Variants in SLC12A8 observed in about 807,000 individuals in gnomAD.
SLC12A8 encodes solute carrier family 12 member 8.
SLC12A8 carries 69 observed loss-of-function variants against 75.6 expected under a neutral mutation model. That is an observed-to-expected ratio of 0.91 (90% confidence interval 0.75 to 1.11). The LOEUF (loss-of-function observed/expected upper bound fraction) is 1.11. Among genes scored for constraint, SLC12A8 ranks in the 50% most tolerant of loss-of-function variants. SLC12A8 has a pLI of 0.00. For synonymous variants in SLC12A8, 365 were observed against 372.8 expected, an observed-to-expected ratio of 0.98 and a Z score of 0.24; for missense variants, 877 against 896.7, an observed-to-expected ratio of 0.98 and a Z score of 0.28.
intron 2 of SLC12A8, among the ~76,000 whole-genome samples, chr3:125,198,992 A>C (rs935090318): frequency 2.6e-5 from 4 of 151,974 alleles, no homozygotes; most frequent in African/African-American, 4.8e-5. Flanking sequence ...GTTAGCCAGG[A>C]TGGTCTCGAT....
chr3:125,135,400 G>A (rs1028166224), intron 6 of SLC12A8, among the ~76,000 whole-genome samples: 1 of 152,216 alleles, frequency 6.6e-6, no homozygotes, highest in Non-Finnish European at 1.5e-5. Flanking sequence ...AAATCATATC[G>A]AAGGCCTTCA....
chr3:125,184,231 A>G (rs1024416084), intron 4 of SLC12A8, among the ~76,000 whole-genome samples: 24 of 152,254 alleles, frequency 1.6e-4, no homozygotes, highest in African/African-American at 5.1e-4. Context: ...TTGACCTCCC[A>G]AAGTGCTGGG....
intron 7 of SLC12A8, chr3:125,120,005 G>C (rs909133127): frequency 2.6e-5 from 11 of 417,288 alleles, no homozygotes; most frequent in Admixed American, 1.1e-4. Context: ...CTGACGGCCT[G>C]GGGGAGCTGG....
chr3:125,179,599 C>T (rs1194116020), intron 4 of SLC12A8, among the ~76,000 whole-genome samples: 1 of 152,194 alleles, frequency 6.6e-6, no homozygotes, highest in African/African-American at 2.4e-5. Context: ...CCCAAATTTA[C>T]ACTTAGCTTA....
intron 5 of SLC12A8, among the ~76,000 whole-genome samples, chr3:125,138,832 A>C (rs772745945): frequency 1.4e-5 from 2 of 146,502 alleles, no homozygotes; most frequent in South Asian, 4.3e-4. Flanking sequence ...ACACAGAAAG[A>C]CCCCTTCTAC....
At chr3:125,095,000 C>G (rs1938678560) in intron 10 of SLC12A8, among the ~76,000 whole-genome samples, 1 of 152,214 alleles carries the variant, frequency 6.6e-6, no homozygotes. Context: ...TCTCAGTCTT[C>G]TTTGCTGGCT....
chr3:125,198,526 G>C (rs527409608), intron 2 of SLC12A8, among the ~76,000 whole-genome samples: 1 of 152,004 alleles, frequency 6.6e-6, no homozygotes, highest in African/African-American at 2.4e-5. Context: ...CCAGCTACTC[G>C]GGAGGCTGAG....
chr3:125,122,462 C>T (rs1268514590), intron 6 of SLC12A8, among the ~76,000 whole-genome samples: 1 of 152,122 alleles, frequency 6.6e-6, no homozygotes, highest in Non-Finnish European at 1.5e-5. Context: ...GATAAATTCC[C>T]ATAAGCAAAG....
chr3:125,164,836 G>C (rs993218011), intron 5 of SLC12A8, among the ~76,000 whole-genome samples: 17 of 152,374 alleles, frequency 1.1e-4, no homozygotes, highest in African/African-American at 3.8e-4. Context: ...CCACCCCAGA[G>C]TGCTGATTTA....
At chr3:125,139,811 C>T (rs1933585534) in intron 5 of SLC12A8, among the ~76,000 whole-genome samples, 1 of 152,214 alleles carries the variant, frequency 6.6e-6, no homozygotes. Context: ...CTTGCTGATG[C>T]CCAGAACAAA....
intron 8 of SLC12A8, among the ~76,000 whole-genome samples, chr3:125,118,525 G>A (rs182865090): frequency 3.1e-4 from 47 of 152,228 alleles, no homozygotes; most frequent in African/African-American, 9.9e-4. Flanking sequence ...GCTACCTGGC[G>A]GTCTGAGACA....
chr3:125,155,637 G>C (rs563762186), intron 5 of SLC12A8, among the ~76,000 whole-genome samples: 1 of 46,054 alleles, frequency 2.2e-5, no homozygotes, highest in Non-Finnish European at 6.0e-5. Flanking sequence ...TGTAGTCCCA[G>C]CTACTCGGGA....
chr3:125,142,471 C>T (rs1220555777), intron 5 of SLC12A8, among the ~76,000 whole-genome samples: 5 of 152,208 alleles, frequency 3.3e-5, no homozygotes, highest in Non-Finnish European at 7.3e-5. Context: ...CCCTGCCATG[C>T]TTATCCTCCC....
chr3:125,110,486 G>A lies in SLC12A8; in HGVS notation c.913-151C>T, dbSNP rs558351435. 54 of 637,420 alleles carry A rather than the reference G, an allele frequency of 8.5e-5. No homozygotes were observed. The Middle Eastern group carries it at 2.8e-3, about 33-fold the overall frequency. The allele number at this position is 637,420 out of a possible 1,614,324, so 39.5% of individuals were successfully genotyped here. ...ATACAGTTTCCACATCCCCAGCCTC[G>A]CCCCCATTCATTCCATGGTTTCAGC... On this transcript the variant is annotated intron_variant, in intron 8 of 13. Coordinates refer to ENST00000469902, the MANE Select transcript of SLC12A8 (RefSeq NM_024628.6).
At chr3:125,119,095 A>G in intron 7 of SLC12A8, 1 of 373,310 alleles carries the variant, frequency 2.7e-6, no homozygotes, top group Non-Finnish European at 4.9e-6. Flanking sequence ...TTAAATATAT[A>G]TAAAAATATG....
chr3:125,158,863 C>T (rs1244053616), intron 5 of SLC12A8, among the ~76,000 whole-genome samples: 2 of 152,122 alleles, frequency 1.3e-5, no homozygotes, highest in Non-Finnish European at 2.9e-5. Context: ...CAGCAACCCA[C>T]CAAGAGAAAA....
At chr3:125,172,430 C>T (rs1467609333) in intron 5 of SLC12A8, among the ~76,000 whole-genome samples, 2 of 152,130 alleles carry the variant, frequency 1.3e-5, no homozygotes, top group East Asian at 1.9e-4. Flanking sequence ...GAAAGAACCA[C>T]ATGGACCACT....
chr3:125,094,503 T>A (rs1219885869), intron 10 of SLC12A8, among the ~76,000 whole-genome samples: 1 of 152,192 alleles, frequency 6.6e-6, no homozygotes, highest in Non-Finnish European at 1.5e-5. Flanking sequence ...TCACGGTGGA[T>A]GAACAGCCTC....
intron 6 of SLC12A8, among the ~76,000 whole-genome samples, chr3:125,128,046 G>T (rs1933251393): frequency 6.6e-6 from 1 of 151,506 alleles, no homozygotes; most frequent in Non-Finnish European, 1.5e-5. Context: ...GCTAATTTTT[G>T]TATTTTTAGT....
Sources: allele counts gnomAD v4.1 joint callset (sites outside exome capture counted in the v4.1 genomes callset), GRCh38; gene constraint gnomAD v4.1.1; transcripts MANE v1.5; gene names NCBI Gene and HGNC (gene_info 2026-07-23, HGNC 2026-07-21).